Variants in ABCA4 observed in about 807,000 individuals in gnomAD.
The protein encoded by ABCA4 is ATP binding cassette subfamily A member 4.
In ABCA4, 196 loss-of-function variants were observed where a neutral mutation model predicts 263.7. The ratio of observed to expected loss-of-function variants is 0.74; its 90% CI spans 0.66 to 0.84. The LOEUF (loss-of-function observed/expected upper bound fraction) is 0.84, where lower values mean the gene tolerates loss of function less well. Among genes scored for constraint, ABCA4 ranks in the 40% least tolerant of loss-of-function variants. The pLI is 0.00. For missense variants in ABCA4, 2,792 were observed against 2,855.1 expected (o/e 0.98, Z 0.50); for synonymous variants, 1,133 against 1,094.2 (o/e 1.04, Z -0.70).
intron 26 of ABCA4, among the ~76,000 whole-genome samples, chr1:94,036,389 T>C (rs1451207352): frequency 6.6e-6 from 1 of 151,562 alleles, no homozygotes; most frequent in Non-Finnish European, 1.5e-5. Flanking sequence ...ACTTTTTTTT[T>C]TTTTTGAGAT....
intron 6 of ABCA4, 35 bp downstream of exon 6, chr1:94,098,759 C>T (rs989762524): frequency 8.7e-6 from 14 of 1,610,574 alleles, no homozygotes; most frequent in Non-Finnish European, 1.2e-5. Context: ...CAGGAATCAC[C>T]TTGCAATTGG....
At position 93,993,142 on chromosome 1, in the gene ABCA4, G is replaced by A. The variant is rs1658914687; in HGVS notation, c.*95C>T. On this transcript the variant is annotated 3_prime_UTR_variant, in exon 50 of 50. Transcript: ENST00000370225. Reference sequence around the variant, plus strand: ...CTGCTGCAGTGGGGTCATTTACGCTGGCCAGTCCATTTGGATGACCATATG... The same window carrying A: ...CTGCTGCAGTGGGGTCATTTACGCTAGCCAGTCCATTTGGATGACCATATG... 4.6e-6 allele frequency: 7 copies of A among 1,529,512 alleles called. No homozygotes were observed. Among genetic ancestry groups the A allele is most frequent in the Non-Finnish European group, 5.4e-6 (6 of 1,105,556 alleles). The allele number at this position is 1,529,512 out of a possible 1,614,324, so 94.7% of individuals were successfully genotyped here. A position where few individuals can be genotyped will look rare whatever the true frequency, so the allele number is the denominator to read the frequency against.
intron 15 of ABCA4, 39 bp from the exon 16 acceptor site, chr1:94,055,354 C>T (rs769372726): frequency 6.2e-7 from 1 of 1,601,082 alleles, no homozygotes; most frequent in Non-Finnish European, 8.5e-7. Flanking sequence ...AAGAGCAGTG[C>T]CTTTTATCCA....
Position 94,042,796 on chromosome 1 carries a change from C to T in ABCA4, c.3293G>A (p.Arg1098His), listed in dbSNP as rs891533398. The T allele has an allele frequency of 8.1e-6, 13 of 1,614,070 alleles. No individual in the cohort carries two copies. The highest frequency in any genetic ancestry group is 1.7e-5 in the Admixed American group (1 of 60,006). Residue 1098 changes from arginine to histidine, a missense_variant, in exon 22 of 50, where the codon CGC (arginine) becomes CAC (histidine). By Grantham distance (29) the Arg-to-His change is conservative. Transcript: ENST00000370225. ...PTSGVDPYSR[R>H]SIWDLLLKYR... ...CTTCAGGAGCAGATCCCAGATTGAG[C>T]GTCTCGAGTAAGGGTCCACCCCAGA... is the stretch of plus-strand genomic sequence containing the variant.
rs1311318813 is a variant in ABCA4 at position 94,018,465 on chromosome 1, G to A, written c.5196+1117C>T. ...TTCCTCGTGTAGACAGAAGAGAGAG[G>A]AAATAATTTAGTTGCTACTGATAAT... On this transcript the variant is annotated intron_variant, in intron 36 of 49. Coordinates refer to ENST00000370225, the MANE Select transcript of ABCA4 (RefSeq NM_000350.3). The A allele has an allele frequency of 3.2e-5, 14 of 437,736 alleles. 1 individual carries two copies. Among genetic ancestry groups the A allele is most frequent in the South Asian group, 2.1e-4 (13 of 61,016 alleles). The allele number at this position is 437,736 out of a possible 1,614,324, so 27.1% of individuals were successfully genotyped here.
chr1:94,106,390 G>A (rs527265307), intron 4 of ABCA4, among the ~76,000 whole-genome samples: 1 of 152,164 alleles, frequency 6.6e-6, no homozygotes, highest in Non-Finnish European at 1.5e-5. Flanking sequence ...AGGCACTTAA[G>A]TGAAATGTCT....
intron 4 of ABCA4, among the ~76,000 whole-genome samples, chr1:94,105,721 G>A (rs1022381071): frequency 6.6e-6 from 1 of 152,000 alleles, no homozygotes; most frequent in Non-Finnish European, 1.5e-5. Flanking sequence ...ATGATTGAGA[G>A]ACCACAGAGC....
chr1:94,041,540 T>C (rs1660487698), intron 22 of ABCA4, 138 bp from the exon 23 acceptor site: 1 of 864,474 alleles, frequency 1.2e-6, no homozygotes, highest in South Asian at 1.6e-5. Flanking sequence ...GGGAACTAAT[T>C]CAGCAGCAAA....
intron 28 of ABCA4, 121 bp from the exon 29 acceptor site, chr1:94,030,647 T>G: frequency 1.0e-6 from 1 of 995,082 alleles, no homozygotes; most frequent in Non-Finnish European, 1.6e-6. Context: ...GAATGCTGCC[T>G]TGGGATGGCG....
At chr1:94,005,693 T>C in intron 43 of ABCA4, 111 bp from the exon 44 acceptor site, 1 of 1,101,848 alleles carries the variant, frequency 9.1e-7, no homozygotes, top group Non-Finnish European at 1.3e-6. Flanking sequence ...CTTCTTCTCT[T>C]CTCCTATTTG....
chr1:94,023,762 C>T (rs549078544), intron 31 of ABCA4, among the ~76,000 whole-genome samples: 2 of 152,286 alleles, frequency 1.3e-5, no homozygotes, highest in East Asian at 3.9e-4. Context: ...AGGCTGCAGC[C>T]CTCCTGTCTT....
At chr1:94,039,800 GCA>G (rs1380214748) in intron 24 of ABCA4, among the ~76,000 whole-genome samples, 1 of 152,246 alleles carries the variant, frequency 6.6e-6, no homozygotes, top group African/African-American at 2.4e-5. Context: ...AAGGGTAAGA[GCA>G]CAGAGTGTAT....
chr1:94,010,645 C>T (rs1659518390), intron 40 of ABCA4, 155 bp downstream of exon 40: 2 of 1,084,846 alleles, frequency 1.8e-6, no homozygotes, highest in African/African-American at 3.3e-5. Flanking sequence ...TAACCCGATC[C>T]TCTACTTGTA....
chr1:94,056,474 G>A (rs1234830191), intron 15 of ABCA4, 127 bp downstream of exon 15: 9 of 1,041,776 alleles, frequency 8.6e-6, no homozygotes, highest in South Asian at 4.1e-5. Flanking sequence ...TTAGCCTCAC[G>A]TGAACTTTTT....
At position 94,078,607 on chromosome 1, in the gene ABCA4, G is replaced by C; in HGVS notation, c.1339C>G (p.Gln447Glu). Residue 447 changes from glutamine (Q) to glutamate (E), a missense_variant, in exon 10 of 50, where the codon CAG (glutamine) becomes GAG (glutamate). Physicochemically the swap from Gln to Glu is conservative, Grantham distance 29. Transcript: ENST00000370225. ...CCCCTTACTCTGATCATGTTCATCT[G>C]TGTGCTGTTGTCAAAGAAGTACCAG... Reference protein sequence around the residue: ...QIWYFFDNSTQMNMIRDTLGN... With the variant: ...QIWYFFDNSTEMNMIRDTLGN... 6.8e-7 allele frequency: 1 copy of C among 1,469,504 alleles called. No homozygotes were observed. Among genetic ancestry groups the C allele is most frequent in the Non-Finnish European group, 9.1e-7 (1 of 1,096,040 alleles). The allele number at this position is 1,469,504 out of a possible 1,614,324, so 91.0% of individuals were successfully genotyped here. A position where few individuals can be genotyped will look rare whatever the true frequency, so the allele number is the denominator to read the frequency against.
Position 94,043,466 on chromosome 1 carries a change from C to T in ABCA4, c.3060G>A (p.Val1020=), listed in dbSNP as rs373678585. ...QHNILFHHLT[V]AEHMLFYAQL... ...GGGCATAGAACAGCATGTGCTCAGC[C>T]ACCGTGAGGCTAGGAGGATGGGACA... is the stretch of plus-strand genomic sequence containing the variant. Residue 1020 remains valine, a synonymous_variant, in exon 21 of 50, where the codon GTG becomes GTA. Transcript: ENST00000370225. The T allele has an allele frequency of 1.2e-6, 2 of 1,614,062 alleles. No individual in the cohort carries two copies. The highest frequency in any genetic ancestry group is 1.3e-5 in the African/African-American group (1 of 74,930).
intron 16 of ABCA4, among the ~76,000 whole-genome samples, chr1:94,052,170 C>T (rs1334342859): frequency 6.6e-6 from 1 of 152,158 alleles, no homozygotes; most frequent in Non-Finnish European, 1.5e-5. Flanking sequence ...CACTGAGATT[C>T]AGCCATCTGC....
intron 25 of ABCA4, 143 bp downstream of exon 25, chr1:94,037,002 A>G (rs1660356935): frequency 1.0e-6 from 1 of 974,202 alleles, no homozygotes; most frequent in Non-Finnish European, 1.6e-6. Flanking sequence ...TGGGGGAACT[A>G]TGCCAAAAAT....
rs908166986 is a variant in ABCA4, at chr1:94,076,672, C to A, written c.1554+1018G>T. Among the ~76,000 whole-genome samples, 9 of 152,108 alleles carry A rather than the reference C, an allele frequency of 5.9e-5. No homozygotes were observed. The South Asian group carries it at 6.2e-4, about 11-fold the overall frequency. On this transcript the variant is annotated intron_variant, in intron 11 of 49. Coordinates refer to ENST00000370225, the MANE Select transcript of ABCA4 (RefSeq NM_000350.3). ...GACCTGTGTTATTTGGGGGTCGAGT[C>A]ATTAAGATTTTAAGTGAGAGAGCAA...
Sources: gnomAD v4.1 joint callset for allele counts (sites outside exome capture counted in the v4.1 genomes callset) on GRCh38, gnomAD v4.1.1 for gene constraint, MANE v1.5 for transcripts, NCBI Gene and HGNC (gene_info 2026-07-23, HGNC 2026-07-21) for gene names.